PHACTR1: variants seen among roughly 807,000 people sequenced by gnomAD.
PHACTR1 encodes the protein phosphatase and actin regulator 1.
Under a neutral mutation model 69.2 loss-of-function variants are expected in PHACTR1, and 16 were observed. The ratio of observed to expected loss-of-function variants is 0.23; its 90% confidence interval spans 0.16 to 0.35. The LOEUF (loss-of-function observed/expected upper bound fraction) is 0.35. Among genes scored for constraint, PHACTR1 ranks in the 10% least tolerant of loss-of-function variants. The pLI is 1.00. For synonymous variants in PHACTR1, 312 were observed against 284.5 expected (o/e 1.10, Z -0.97); for missense variants, 510 against 734.7 (o/e 0.69, Z 3.54).
chr6:13,265,024 GA>G (rs11294877), intron 10 of PHACTR1: 110,197 of 146,094 alleles, frequency 0.75, 42,030 homozygotes, highest in African/African-American at 0.84. Context: ...CCCCATCTCT[GA>G]AAAAAAAAAA....
chr6:13,217,211 T>C (rs75349202), intron 8 of PHACTR1, among the ~76,000 whole-genome samples: 12,901 of 152,282 alleles, frequency 0.085, 813 homozygotes, highest in Admixed American at 0.22. Context: ...GGAAGCACAC[T>C]GCACCAGCAT....
At chr6:13,103,405 A>G (rs925206258) in intron 5 of PHACTR1, among the ~76,000 whole-genome samples, 3 of 152,218 alleles carry the variant, frequency 2.0e-5, no homozygotes, top group African/African-American at 7.2e-5. Flanking sequence ...ATTTGCAAAT[A>G]CTTTCTGTAG....
chr6:13,040,876 C>T (rs1007586880), intron 4 of PHACTR1, among the ~76,000 whole-genome samples: 1 of 151,970 alleles, frequency 6.6e-6, no homozygotes, highest in African/African-American at 2.4e-5. Flanking sequence ...TTTGAGAGGC[C>T]GATTAACTTG....
intron 4 of PHACTR1, among the ~76,000 whole-genome samples, chr6:12,798,293 CA>C (rs1487779428): frequency 1.3e-5 from 2 of 152,066 alleles, no homozygotes; most frequent in African/African-American, 4.8e-5. Flanking sequence ...TACATGAGCA[CA>C]GGGGGAGATC....
intron 4 of PHACTR1, among the ~76,000 whole-genome samples, chr6:12,931,842 T>C (rs1788909012): frequency 6.6e-6 from 1 of 151,942 alleles, no homozygotes; most frequent in African/African-American, 2.4e-5. Context: ...AGCTCACAGC[T>C]GGGAGGTTCA....
Position 12,948,743 on chromosome 6 carries a change from TTA to T in PHACTR1, c.251-104620_251-104619del, listed in dbSNP as rs1310392518. ...ATATTTATCTTTCAATTAGGTTTTT[TTA>T]TGTGTTCATCATCTACATTTCATTC... is the stretch of plus-strand genomic sequence containing the variant. On this transcript the variant is annotated intron_variant, in intron 4 of 14. Transcript: ENST00000332995. Among the ~76,000 whole-genome samples the T allele has an allele frequency of 3.9e-5, 6 of 152,228 alleles. No individual in the cohort carries two copies. The East Asian group carries it at 1.2e-3, about 29-fold the overall frequency.
intron 9 of PHACTR1, 104 bp downstream of exon 9, chr6:13,228,167 C>A: frequency 7.1e-7 from 1 of 1,415,672 alleles, no homozygotes; most frequent in Non-Finnish European, 9.4e-7. Context: ...CTAATCCCTG[C>A]TCTGGTGTTG....
intron 4 of PHACTR1, among the ~76,000 whole-genome samples, chr6:12,872,001 A>G (rs1273786653): frequency 6.6e-6 from 1 of 151,976 alleles, no homozygotes; most frequent in Non-Finnish European, 1.5e-5. Flanking sequence ...TTAGTGACCA[A>G]TGAGTTTTTT....
intron 4 of PHACTR1, among the ~76,000 whole-genome samples, chr6:12,901,054 G>C (rs1785133546): frequency 6.6e-6 from 1 of 152,128 alleles, no homozygotes; most frequent in Non-Finnish European, 1.5e-5. Flanking sequence ...TAGGGGAGAG[G>C]GTAAGGGGAT....
intron 4 of PHACTR1, among the ~76,000 whole-genome samples, chr6:13,011,060 A>G (rs1335951620): frequency 6.6e-6 from 1 of 152,242 alleles, no homozygotes; most frequent in Non-Finnish European, 1.5e-5. Flanking sequence ...TTCTGTTGTA[A>G]CAATAAGAGA....
At chr6:13,260,490 G>T (rs541452603) in intron 10 of PHACTR1, among the ~76,000 whole-genome samples, 2 of 152,220 alleles carry the variant, frequency 1.3e-5, no homozygotes, top group South Asian at 4.2e-4. Flanking sequence ...TGTCCTCCCC[G>T]CCTCCCAACT....
At chr6:12,876,463 GT>G (rs1471933632) in intron 4 of PHACTR1, among the ~76,000 whole-genome samples, 2 of 152,276 alleles carry the variant, frequency 1.3e-5, no homozygotes, top group East Asian at 3.9e-4. Flanking sequence ...AAACTGCAGA[GT>G]TAGAAATCTG....
chr6:12,958,041 G>C, intron 4 of PHACTR1: 1 of 982,988 alleles, frequency 1.0e-6, no homozygotes, highest in Non-Finnish European at 1.2e-6. Context: ...CTTTAAGGTA[G>C]GCATTGGCGT....
chr6:12,720,270 C>T (rs1416229201), intron 3 of PHACTR1, among the ~76,000 whole-genome samples: 2 of 152,224 alleles, frequency 1.3e-5, no homozygotes, highest in African/African-American at 4.8e-5. Context: ...GACAATAATG[C>T]TCCGTAGCGG....
rs990901816 is a variant in PHACTR1 at position 13,181,606 on chromosome 6, G to A, written c.497-913G>A. On this transcript the variant is annotated intron_variant, in intron 6 of 14. Transcript: ENST00000332995. Reference sequence around the variant, plus strand: ...TGCACCGTGGTCCTTGTTTTGCTGAGCTTTAAGCAACATCAAAGTCTGCAC... The same window carrying A: ...TGCACCGTGGTCCTTGTTTTGCTGAACTTTAAGCAACATCAAAGTCTGCAC... Among the ~76,000 whole-genome samples, 5 of 152,228 alleles carry A rather than the reference G, an allele frequency of 3.3e-5. 1 individual carries two copies. Among genetic ancestry groups the A allele is most frequent in the Admixed American group, 3.3e-4 (5 of 15,284 alleles).
chr6:13,057,060 A>G (rs1370638377), intron 5 of PHACTR1, among the ~76,000 whole-genome samples: 2 of 152,188 alleles, frequency 1.3e-5, no homozygotes, highest in Non-Finnish European at 2.9e-5. Context: ...GTTAGATAGA[A>G]GGAATAAAGT....
At position 13,144,540 on chromosome 6, in the gene PHACTR1, A is replaced by G. The variant is rs1447640279; in HGVS notation, c.416-15664A>G. Among the ~76,000 whole-genome samples the G allele has an allele frequency of 2.6e-5, 4 of 152,332 alleles. No individual in the cohort carries two copies. In the East Asian group the frequency reaches 7.7e-4, roughly 29 times the overall value. On this transcript the variant is annotated intron_variant, in intron 5 of 14. Coordinates refer to ENST00000332995, the MANE Select transcript of PHACTR1 (RefSeq NM_030948.6). ...CAGTCCTCCCTAAATTGATCTCAAGATTCAGTGTAATTCTAATAAAAACCC... is the reference window on the plus strand; with the variant it reads ...CAGTCCTCCCTAAATTGATCTCAAGGTTCAGTGTAATTCTAATAAAAACCC...
rs950054132 is a variant in PHACTR1 at position 13,153,890 on chromosome 6, A to G, written c.416-6314A>G. On this transcript the variant is annotated intron_variant, in intron 5 of 14. Transcript: ENST00000332995. ...TTGGCCTCCTAGCTTTTTGTGACCT[A>G]AAGTTTATTAATTTCTTAGTCTGCT... 2.6e-5 allele frequency among the ~76,000 whole-genome samples: 4 copies of G among 152,204 alleles called. No individual in the cohort carries two copies. In the East Asian group the frequency reaches 7.7e-4, roughly 29 times the overall value.
At chr6:12,882,350 A>G (rs367929115) in intron 4 of PHACTR1, among the ~76,000 whole-genome samples, 49 of 152,304 alleles carry the variant, frequency 3.2e-4, no homozygotes, top group African/African-American at 1.1e-3. Flanking sequence ...AGAAGAGGGA[A>G]GGCGGATTGA....
Sources: gnomAD v4.1 joint callset for allele counts (sites outside exome capture counted in the v4.1 genomes callset) on GRCh38, gnomAD v4.1.1 for gene constraint, MANE v1.5 for transcripts, NCBI Gene and HGNC (gene_info 2026-07-23, HGNC 2026-07-21) for gene names.